The following MALT1 variants were observed in gnomAD, a reference collection of about 807,000 sequenced individuals.
The protein encoded by MALT1 is MALT1 paracaspase.
A neutral mutation model predicts 85.5 loss-of-function variants in MALT1; 36 were observed. That is an observed-to-expected ratio of 0.42 (90% CI 0.32 to 0.56). The LOEUF (loss-of-function observed/expected upper bound fraction) is 0.56, where lower values mean the gene tolerates loss of function less well. Among genes scored for constraint, MALT1 ranks in the 20% least tolerant of loss-of-function variants. The probability of loss-of-function intolerance (pLI) is 0.10; values close to 1 mark genes in which losing one functional copy is unlikely to be tolerated. For synonymous variants in MALT1, 359 were observed against 361.3 expected, an observed-to-expected ratio of 0.99 and a Z score of 0.07; for missense variants, 716 against 981.6, an observed-to-expected ratio of 0.73 and a Z score of 3.62.
chr18:58,673,765 C>T (rs1392538301), intron 1 of MALT1, among the ~76,000 whole-genome samples: 1 of 152,114 alleles, frequency 6.6e-6, no homozygotes, highest in Non-Finnish European at 1.5e-5. Context: ...TTTTCTTAAA[C>T]CCTCCTGACA....
chr18:58,685,223 G>A (rs2054383901), intron 2 of MALT1, among the ~76,000 whole-genome samples: 1 of 152,256 alleles, frequency 6.6e-6, no homozygotes, highest in Admixed American at 6.5e-5. Context: ...TATTCCACAG[G>A]AAGTCTGATG....
chr18:58,678,681 A>G (rs1437827810), intron 1 of MALT1, among the ~76,000 whole-genome samples: 2 of 152,226 alleles, frequency 1.3e-5, no homozygotes, highest in African/African-American at 4.8e-5. Flanking sequence ...CCCATGATCT[A>G]AGACTGGTTT....
intron 3 of MALT1, 48 bp from the exon 4 acceptor site, chr18:58,700,393 G>T: frequency 7.1e-7 from 1 of 1,411,416 alleles, no homozygotes; most frequent in Non-Finnish European, 9.6e-7. Flanking sequence ...TATTTTATAA[G>T]GTGTGTTTTT....
intron 2 of MALT1, among the ~76,000 whole-genome samples, chr18:58,690,078 G>T (rs2054473574): frequency 6.6e-6 from 1 of 152,206 alleles, no homozygotes; most frequent in Admixed American, 6.5e-5. Context: ...TTCACTTTCT[G>T]CAAGTTGAAA....
At chr18:58,691,549 CA>C (rs2054499386) in intron 2 of MALT1, 2 of 185,454 alleles carry the variant, frequency 1.1e-5, no homozygotes, top group African/African-American at 4.8e-5. Context: ...GCTACTCTCT[CA>C]GCATTTTTGG....
chr18:58,705,729 G>A (rs1408363207), intron 4 of MALT1, among the ~76,000 whole-genome samples: 3 of 151,734 alleles, frequency 2.0e-5, no homozygotes, highest in Non-Finnish European at 4.4e-5. Context: ...TATCATTGTT[G>A]GACATTTGGG....
intron 10 of MALT1, among the ~76,000 whole-genome samples, chr18:58,727,975 T>C (rs954012492): frequency 6.7e-6 from 1 of 149,402 alleles, no homozygotes; most frequent in South Asian, 2.1e-4. Flanking sequence ...GCCTGGCACA[T>C]AGTAAGTGCC....
Position 58,748,629 on chromosome 18 carries a change from A to G in MALT1, c.*787A>G, listed in dbSNP as rs1364181265. 5.2e-6 allele frequency: 1 copy of G among 190,764 alleles called. No individual in the cohort carries two copies. Among genetic ancestry groups the G allele is most frequent in the East Asian group, 8.2e-5 (1 of 12,258 alleles). The allele number at this position is 190,764 out of a possible 1,614,324, so 11.8% of individuals were successfully genotyped here. A position where few individuals can be genotyped will look rare whatever the true frequency, so the allele number is the denominator to read the frequency against. On this transcript the variant is annotated 3_prime_UTR_variant, in exon 17 of 17. Transcript: ENST00000649217. ...TAATGGATAATTTTCATAGCTGCCT[A>G]TCAGAATTTCCCAAATATTTAGCAT... is the stretch of plus-strand genomic sequence containing the variant.
rs139328531 is a variant in MALT1, at chr18:58,749,606, C to T, written c.*1764C>T. On this transcript the variant is annotated 3_prime_UTR_variant, in exon 17 of 17. Transcript: ENST00000649217. Reference sequence around the variant, plus strand: ...TCCACAAATGACTGCAAAAGTGCCACGGATATCAATTTGAGGGTTATAAAT... The same window carrying T: ...TCCACAAATGACTGCAAAAGTGCCATGGATATCAATTTGAGGGTTATAAAT... 19 of 218,986 alleles carry T rather than the reference C, an allele frequency of 8.7e-5. No homozygotes were observed. Among genetic ancestry groups the T allele is most frequent in the East Asian group, 7.4e-4 (11 of 14,806 alleles). 13.6% of individuals were successfully genotyped at this position (218,986 alleles called of 1,614,324 possible).
At chr18:58,725,174 T>C (rs190401302) in intron 10 of MALT1, among the ~76,000 whole-genome samples, 1 of 150,838 alleles carries the variant, frequency 6.6e-6, no homozygotes, top group African/African-American at 2.4e-5. Context: ...ACACGAAAAT[T>C]AGCTGGGCGT....
rs1033949150 is a variant in MALT1, at chr18:58,749,575, C to G, written c.*1733C>G. The G allele has an allele frequency of 1.8e-5, 4 of 218,108 alleles. No individual in the cohort carries two copies. The highest frequency in any genetic ancestry group is 9.0e-5 in the African/African-American group (4 of 44,502). 13.5% of individuals were successfully genotyped at this position (218,108 alleles called of 1,614,324 possible). A position where few individuals can be genotyped will look rare whatever the true frequency, so the allele number is the denominator to read the frequency against. ...GTGACTCAAATTTTTCACCCATTTA[C>G]ACATATCCACAAATGACTGCAAAAG... is the stretch of plus-strand genomic sequence containing the variant. On this transcript the variant is annotated 3_prime_UTR_variant, in exon 17 of 17. Coordinates refer to ENST00000649217, the MANE Select transcript of MALT1 (RefSeq NM_006785.4).
intron 5 of MALT1, 87 bp from the exon 6 acceptor site, chr18:58,709,889 G>T: frequency 1.2e-6 from 1 of 850,302 alleles, no homozygotes; most frequent in South Asian, 1.6e-5. Context: ...TTATGTTTTG[G>T]AGCGTATTTT....
At position 58,750,301 on chromosome 18, in the gene MALT1, G is replaced by A. The variant is rs1410442004; in HGVS notation, c.*2459G>A. The A allele has an allele frequency of 6.3e-6, 1 of 159,780 alleles. No individual in the cohort carries two copies. The highest frequency in any genetic ancestry group is 2.4e-5 in the African/African-American group (1 of 41,672). The allele number at this position is 159,780 out of a possible 1,614,324, so 9.9% of individuals were successfully genotyped here. On this transcript the variant is annotated 3_prime_UTR_variant, in exon 17 of 17. Coordinates refer to ENST00000649217, the MANE Select transcript of MALT1 (RefSeq NM_006785.4). ...AGACATCCATGTTCATGGATTGGAAGACTGAATATTGGTAAGATGGCAATG... is the reference window on the plus strand; with the variant it reads ...AGACATCCATGTTCATGGATTGGAAAACTGAATATTGGTAAGATGGCAATG...
intron 6 of MALT1, among the ~76,000 whole-genome samples, chr18:58,710,493 C>G (rs538756684): frequency 6.6e-6 from 1 of 151,860 alleles, no homozygotes; most frequent in Non-Finnish European, 1.5e-5. Flanking sequence ...GAGACCAGCC[C>G]GGGCAACATA....
At chr18:58,730,099 GTT>G (rs370488942) in intron 10 of MALT1, among the ~76,000 whole-genome samples, 25 of 152,304 alleles carry the variant, frequency 1.6e-4, no homozygotes, top group African/African-American at 6.0e-4. Flanking sequence ...TTAAAAATAA[GTT>G]TATCTTGCTC....
chr18:58,705,322 G>GTGTGTA (rs1555685559), intron 4 of MALT1, among the ~76,000 whole-genome samples: 1,883 of 148,192 alleles, frequency 0.013, 15 homozygotes, highest in African/African-American at 0.027. Context: ...GTGTGTGTGT[G>GTGTGTA]TATTTATTTT....
chr18:58,700,306 C>G, intron 3 of MALT1, 135 bp from the exon 4 acceptor site: 6 of 590,026 alleles, frequency 1.0e-5, no homozygotes. Context: ...GTTTTTAACT[C>G]AGAAATGTTT....
At chr18:58,737,310 C>T (rs1188282686) in intron 13 of MALT1, among the ~76,000 whole-genome samples, 1 of 151,976 alleles carries the variant, frequency 6.6e-6, no homozygotes, top group Non-Finnish European at 1.5e-5. Flanking sequence ...TCAGACCCCC[C>T]ATCTCTATAA....
chr18:58,727,886 A>G (rs1409493573), intron 10 of MALT1, among the ~76,000 whole-genome samples: 3 of 152,030 alleles, frequency 2.0e-5, no homozygotes, highest in Admixed American at 6.5e-5. Context: ...CCCATCTGTA[A>G]AAGAGGGATG....
Sources: allele counts gnomAD v4.1 joint callset (sites outside exome capture counted in the v4.1 genomes callset), GRCh38; gene constraint gnomAD v4.1.1; transcripts MANE v1.5; gene names NCBI Gene and HGNC (gene_info 2026-07-23, HGNC 2026-07-21).